PRKN: variants seen among roughly 807,000 people sequenced by gnomAD.
PRKN encodes the protein E3 ubiquitin-protein ligase parkin.
Under a neutral mutation model 59.5 loss-of-function variants are expected in PRKN, and 56 were observed. The ratio of observed to expected loss-of-function variants is 0.94; its 90% CI spans 0.76 to 1.18. The LOEUF (loss-of-function observed/expected upper bound fraction) is 1.18, where lower values mean the gene tolerates loss of function less well. PRKN is among the 50% of genes most tolerant of loss of function. The probability of loss-of-function intolerance (pLI) is 0.00; values close to 1 mark genes in which losing one functional copy is unlikely to be tolerated. For synonymous variants in PRKN, 250 were observed against 222.1 expected, an observed-to-expected ratio of 1.13 and a Z score of -1.12; for missense variants, 657 against 596.4, an observed-to-expected ratio of 1.10 and a Z score of -1.06.
intron 4 of PRKN, among the ~76,000 whole-genome samples, chr6:162,156,584 C>G (rs2849586): frequency 6.6e-6 from 1 of 152,082 alleles, no homozygotes; most frequent in Admixed American, 6.5e-5. Context: ...ACTCAGCCAG[C>G]CTGCTCTTTC....
intron 4 of PRKN, among the ~76,000 whole-genome samples, chr6:162,116,567 G>A (rs1780682017): frequency 6.6e-6 from 1 of 152,200 alleles, no homozygotes; most frequent in Non-Finnish European, 1.5e-5. Context: ...GAGAGCACGT[G>A]TGTACATTAG....
At chr6:161,574,218 G>A (rs1438333910) in intron 7 of PRKN, among the ~76,000 whole-genome samples, 1 of 152,068 alleles carries the variant, frequency 6.6e-6, no homozygotes, top group African/African-American at 2.4e-5. Flanking sequence ...TGTGAAGATG[G>A]GGCTTAAAAA....
chr6:161,491,739 T>A (rs939765885), intron 9 of PRKN, among the ~76,000 whole-genome samples: 1 of 152,158 alleles, frequency 6.6e-6, no homozygotes, highest in Non-Finnish European at 1.5e-5. Context: ...CAAGCAATTC[T>A]CCTGCCTGAG....
chr6:161,602,396 G>A (rs182581975), intron 7 of PRKN, among the ~76,000 whole-genome samples: 1 of 152,310 alleles, frequency 6.6e-6, no homozygotes, highest in Admixed American at 6.5e-5. Context: ...ATTCAACACC[G>A]GCTTGTCTCC....
Position 162,005,578 on chromosome 6 carries a change from G to A in PRKN, c.619-32161C>T, listed in dbSNP as rs148583268. 2.8e-3 allele frequency among the ~76,000 whole-genome samples: 422 copies of A among 151,966 alleles called. 1 individual carries two copies. The highest frequency in any genetic ancestry group is 9.7e-3 in the African/African-American group (404 of 41,456). On this transcript the variant is annotated intron_variant, in intron 5 of 11. Transcript: ENST00000366898. ...AAAAAAAAAGGAATGAAACTCTTGA[G>A]CCCTTATTTGTGTTCTTGCTTGAGT...
Position 162,540,296 on chromosome 6 carries a change from C to A in PRKN, c.8-96823G>T, listed in dbSNP as rs368379238. On this transcript the variant is annotated intron_variant, in intron 1 of 11. Coordinates refer to ENST00000366898, the MANE Select transcript of PRKN (RefSeq NM_004562.3). ...ACAGGCTGAAGTGCAATGGTGTGAT[C>A]TCAGCTCGCTGCAATCTCTGCCTCA... Among the ~76,000 whole-genome samples the A allele has an allele frequency of 1.4e-3, 211 of 152,154 alleles. 3 individuals are homozygous for A. The highest frequency in any genetic ancestry group is 4.8e-3 in the African/African-American group (201 of 41,524).
intron 1 of PRKN, among the ~76,000 whole-genome samples, chr6:162,693,709 C>T (rs575239733): frequency 4.9e-4 from 75 of 152,274 alleles, no homozygotes; most frequent in African/African-American, 1.6e-3. Flanking sequence ...CATCTTGAAT[C>T]TCAGACAATT....
intron 4 of PRKN, among the ~76,000 whole-genome samples, chr6:162,187,902 C>T (rs1418316323): frequency 6.6e-6 from 1 of 152,100 alleles, no homozygotes; most frequent in African/African-American, 2.4e-5. Flanking sequence ...TATGGTTTGG[C>T]TGTGTCCCCA....
In PRKN at chr6:161,529,014, T is replaced by C. The variant is rs767532305; in HGVS notation, c.1083+19840A>G. Among the ~76,000 whole-genome samples, 5 of 152,230 alleles carry C rather than the reference T, an allele frequency of 3.3e-5. No individual in the cohort carries two copies. Among genetic ancestry groups the C allele is most frequent in the Non-Finnish European group, 5.9e-5 (4 of 68,038 alleles). On this transcript the variant is annotated intron_variant, in intron 9 of 11. Coordinates refer to ENST00000366898, the MANE Select transcript of PRKN (RefSeq NM_004562.3). This position sits in a 1 kb window ranked among gnomAD's most constrained non-coding sequence, Gnocchi z 4.4. Reference sequence around the variant, plus strand: ...GCTTTGTTTTATTTGAATTATTGCATTGATATTCACAACAACAGTCTTGTT... The same window carrying C: ...GCTTTGTTTTATTTGAATTATTGCACTGATATTCACAACAACAGTCTTGTT...
At chr6:161,522,395 G>A (rs1778862922) in intron 9 of PRKN, among the ~76,000 whole-genome samples, 1 of 152,106 alleles carries the variant, frequency 6.6e-6, no homozygotes, top group Non-Finnish European at 1.5e-5. Context: ...AACACAACTT[G>A]CCCCCCAACA....
chr6:161,928,147 A>T (rs1385007852), intron 6 of PRKN, among the ~76,000 whole-genome samples: 6 of 152,208 alleles, frequency 3.9e-5, no homozygotes, highest in Non-Finnish European at 8.8e-5. Context: ...TGCAACCCAG[A>T]AGAGAGCTCT....
intron 1 of PRKN, among the ~76,000 whole-genome samples, chr6:162,480,383 T>C (rs1792246345): frequency 6.6e-6 from 1 of 152,170 alleles, no homozygotes; most frequent in East Asian, 1.9e-4. Flanking sequence ...ATTTTTTTAC[T>C]GTATTTGAAT....
At chr6:161,927,506 TTTAA>T (rs1452678397) in intron 6 of PRKN, among the ~76,000 whole-genome samples, 2 of 152,214 alleles carry the variant, frequency 1.3e-5, no homozygotes, top group East Asian at 1.9e-4. Flanking sequence ...TAGAGTCCAC[TTTAA>T]TTATATTTGA....
At position 162,614,863 on chromosome 6, in the gene PRKN, A is replaced by G. The variant is rs554327453; in HGVS notation, c.7+112799T>C. 3.3e-5 allele frequency among the ~76,000 whole-genome samples: 5 copies of G among 152,314 alleles called. No individual in the cohort carries two copies. The East Asian group carries it at 9.7e-4, about 29-fold the overall frequency. Reference sequence around the variant, plus strand: ...TGCTACTGTTTATATTTTGAAAAGCAAAGATTATAGGCAATGCTCCACACT... The same window carrying G: ...TGCTACTGTTTATATTTTGAAAAGCGAAGATTATAGGCAATGCTCCACACT... On this transcript the variant is annotated intron_variant, in intron 1 of 11. Transcript: ENST00000366898.
At chr6:161,661,801 T>A (rs1177352919) in intron 7 of PRKN, among the ~76,000 whole-genome samples, 1 of 152,130 alleles carries the variant, frequency 6.6e-6, no homozygotes, top group East Asian at 1.9e-4. Flanking sequence ...CGTGGGAGGA[T>A]CACCTGAGGT....
rs146415061 is a variant in PRKN, at chr6:162,644,782, G to T, written c.7+82880C>A. Among the ~76,000 whole-genome samples the T allele has an allele frequency of 9.7e-3, 1,480 of 152,178 alleles. 24 individuals are homozygous for T. The highest frequency in any genetic ancestry group is 0.015 in the Non-Finnish European group (1,008 of 68,012). ...TATTTAAAAATCTGAAAGCAATACG[G>T]TATACTGCAAAGAATATGGTTTGGA... is the stretch of plus-strand genomic sequence containing the variant. On this transcript the variant is annotated intron_variant, in intron 1 of 11. Transcript: ENST00000366898.
chr6:162,138,045 G>A (rs1172246751), intron 4 of PRKN, among the ~76,000 whole-genome samples: 1 of 151,994 alleles, frequency 6.6e-6, no homozygotes, highest in Non-Finnish European at 1.5e-5. Context: ...TCGGTGAACT[G>A]GGGAACCACA....
chr6:161,553,923 C>T (rs879945137), intron 8 of PRKN, among the ~76,000 whole-genome samples: 18 of 152,160 alleles, frequency 1.2e-4, no homozygotes, highest in Admixed American at 1.1e-3. Flanking sequence ...TCATCTTACA[C>T]GTTTCCTGCT....
chr6:161,569,540 GA>G, intron 7 of PRKN, 124 bp from the exon 8 acceptor site: 3 of 820,504 alleles, frequency 3.7e-6, no homozygotes, highest in Non-Finnish European at 2.1e-6. Flanking sequence ...ACGTGTACCT[GA>G]AAAACACACA....
Sources: gnomAD v4.1 joint callset for allele counts (sites outside exome capture counted in the v4.1 genomes callset) on GRCh38, gnomAD v4.1.1 for gene constraint, Gnocchi (gnomAD v3.1) non-coding constraint, MANE v1.5 for transcripts, NCBI Gene and HGNC (gene_info 2026-07-23, HGNC 2026-07-21) for gene names.